The following GRM7 variants were observed in gnomAD, a reference collection of about 807,000 sequenced individuals.
The protein encoded by GRM7 is metabotropic glutamate receptor 7.
In GRM7, 35 loss-of-function variants were observed where a neutral mutation model predicts 84.5. The observed-to-expected ratio is 0.41, with a 90% CI of 0.32 to 0.55. The LOEUF (loss-of-function observed/expected upper bound fraction) is 0.55, where lower values mean the gene tolerates loss of function less well. Among genes scored for constraint, GRM7 ranks in the 20% least tolerant of loss-of-function variants. GRM7 has a pLI of 0.19. For missense variants in GRM7, 1,003 were observed against 1,194.6 expected, an observed-to-expected ratio of 0.84 and a Z score of 2.36; for synonymous variants, 487 against 455.1, an observed-to-expected ratio of 1.07 and a Z score of -0.89.
chr3:7,400,154 T>G (rs915778696), intron 4 of GRM7, among the ~76,000 whole-genome samples: 2 of 152,170 alleles, frequency 1.3e-5, no homozygotes, highest in Non-Finnish European at 2.9e-5. Flanking sequence ...TGTCCATCTT[T>G]CCCATCTGGT....
At chr3:7,230,273 C>T (rs1252664238) in intron 2 of GRM7, among the ~76,000 whole-genome samples, 5 of 152,120 alleles carry the variant, frequency 3.3e-5, no homozygotes, top group African/African-American at 1.2e-4. Flanking sequence ...ATACCTAACA[C>T]TTGGAAGGAG....
chr3:6,861,421 G>T lies in GRM7; in HGVS notation c.33G>T (p.Leu11=), dbSNP rs563141481. 3.8e-6 allele frequency: 6 copies of T among 1,596,812 alleles called. No individual in the cohort carries two copies. The Admixed American group carries it at 5.2e-5, about 14-fold the overall frequency. Reference sequence around the variant, plus strand: ...AGCTGAGGAAGCTGCTCCGCGTCCTGACTTTGATGAAGTTCCCCTGCTGCG... The same window carrying T: ...AGCTGAGGAAGCTGCTCCGCGTCCTTACTTTGATGAAGTTCCCCTGCTGCG... MVQLRKLLRV[L]TLMKFPCCVL... Residue 11 remains leucine, a synonymous_variant, in exon 1 of 10, where the codon CTG becomes CTT. Transcript: ENST00000357716. This position sits in a 1 kb window ranked among gnomAD's most constrained non-coding sequence, Gnocchi z 6.4.
chr3:7,181,811 A>G (rs1280883388), intron 2 of GRM7, among the ~76,000 whole-genome samples: 2 of 151,916 alleles, frequency 1.3e-5, no homozygotes, highest in East Asian at 1.9e-4. Context: ...TGAGGTGACT[A>G]TGTTGGCCAG....
At chr3:7,238,045 A>C (rs1197933684) in intron 2 of GRM7, among the ~76,000 whole-genome samples, 1 of 152,174 alleles carries the variant, frequency 6.6e-6, no homozygotes, top group Non-Finnish European at 1.5e-5. Flanking sequence ...AGCTGGCTTC[A>C]CCTCTCAAAA....
chr3:7,043,139 G>A (rs781417365), intron 1 of GRM7, among the ~76,000 whole-genome samples: 4 of 152,180 alleles, frequency 2.6e-5, no homozygotes, highest in Non-Finnish European at 5.9e-5. Flanking sequence ...GAGACCTGCT[G>A]TTGTTCTCTC....
At chr3:7,259,165 TGGTAAA>T (rs1336945233) in intron 2 of GRM7, among the ~76,000 whole-genome samples, 5 of 152,206 alleles carry the variant, frequency 3.3e-5, no homozygotes, top group Non-Finnish European at 7.4e-5. Context: ...TGCCAAACAC[TGGTAAA>T]TTGGCATTCC....
At position 7,385,407 on chromosome 3, in the gene GRM7, TCTC is replaced by T. The variant is rs531096762; in HGVS notation, c.1034-29613_1034-29611del. 1.4e-4 allele frequency among the ~76,000 whole-genome samples: 21 copies of T among 148,640 alleles called. No homozygotes were observed. The East Asian group carries it at 4.2e-3, about 30-fold the overall frequency. ...GCTCTGCCTCCTCGGTTCACGCCAT[TCTC>T]CTGCCTCAGCCTCTTGAGTAGCTGG... On this transcript the variant is annotated intron_variant, in intron 4 of 9. Coordinates refer to ENST00000357716, the MANE Select transcript of GRM7 (RefSeq NM_000844.4).
At position 7,133,774 on chromosome 3, in the gene GRM7, C is replaced by T. The variant is rs532545061; in HGVS notation, c.520-12678C>T. On this transcript the variant is annotated intron_variant, in intron 1 of 9. Coordinates refer to ENST00000357716, the MANE Select transcript of GRM7 (RefSeq NM_000844.4). ...TAGGGATTAATCCTAGGTTACTGAC[C>T]GGCAAGAGTTCATAGACAATTAAGA... 8.5e-5 allele frequency among the ~76,000 whole-genome samples: 13 copies of T among 152,118 alleles called. No homozygotes were observed. In the East Asian group the frequency reaches 2.1e-3, roughly 25 times the overall value.
intron 9 of GRM7, among the ~76,000 whole-genome samples, chr3:7,708,706 G>C (rs1048898955): frequency 6.6e-6 from 1 of 152,084 alleles, no homozygotes; most frequent in Non-Finnish European, 1.5e-5. Flanking sequence ...CCAGTCACTC[G>C]TAATAGCATG....
At chr3:7,431,132 C>G (rs978397437) in intron 5 of GRM7, among the ~76,000 whole-genome samples, 17 of 152,118 alleles carry the variant, frequency 1.1e-4, no homozygotes, top group African/African-American at 3.4e-4. Context: ...TAACTTGACA[C>G]ACGTACCCCA....
chr3:7,446,464 G>GTTTTT (rs370257829), intron 5 of GRM7, among the ~76,000 whole-genome samples: 1 of 130,574 alleles, frequency 7.7e-6, no homozygotes. Flanking sequence ...TTTTTTTTTT[G>GTTTTT]TTTTTTTTTT....
intron 4 of GRM7, among the ~76,000 whole-genome samples, chr3:7,332,283 AG>A (rs1701238422): frequency 6.6e-6 from 1 of 152,148 alleles, no homozygotes; most frequent in Non-Finnish European, 1.5e-5. Flanking sequence ...GGAGAGGAGG[AG>A]AATAGACAAT....
At chr3:7,532,218 G>A (rs1026649604) in intron 7 of GRM7, among the ~76,000 whole-genome samples, 8 of 152,072 alleles carry the variant, frequency 5.3e-5, no homozygotes, top group African/African-American at 1.9e-4. Flanking sequence ...TTGTACCTCT[G>A]GTAGAATTAA....
chr3:6,951,036 C>T (rs1692734257), intron 1 of GRM7, among the ~76,000 whole-genome samples: 2 of 152,184 alleles, frequency 1.3e-5, no homozygotes, highest in African/African-American at 2.4e-5. Context: ...TGCTTCGGCT[C>T]ACGCACAGTG....
At chr3:7,190,409 A>T (rs1001414992) in intron 2 of GRM7, among the ~76,000 whole-genome samples, 3 of 152,124 alleles carry the variant, frequency 2.0e-5, no homozygotes, top group Non-Finnish European at 4.4e-5. Context: ...TCAGAAGCAG[A>T]TTTCAAAACA....
At chr3:7,539,408 G>A (rs982745454) in intron 7 of GRM7, among the ~76,000 whole-genome samples, 12 of 152,130 alleles carry the variant, frequency 7.9e-5, no homozygotes, top group African/African-American at 2.9e-4. Context: ...CAGGTGTGGT[G>A]GCTCACGCCT....
At chr3:6,889,229 C>A (rs985388312) in intron 1 of GRM7, among the ~76,000 whole-genome samples, 23 of 152,178 alleles carry the variant, frequency 1.5e-4, no homozygotes, top group African/African-American at 4.8e-4. Flanking sequence ...TTATTTCCTT[C>A]TCCTGCCTGA....
intron 8 of GRM7, among the ~76,000 whole-genome samples, chr3:7,637,272 G>T (rs780850469): frequency 6.6e-6 from 1 of 152,152 alleles, no homozygotes; most frequent in Non-Finnish European, 1.5e-5. Flanking sequence ...GCCTCACAAA[G>T]TGTTGGGACT....
intron 1 of GRM7, among the ~76,000 whole-genome samples, chr3:7,122,569 C>T (rs1301877727): frequency 1.3e-5 from 2 of 152,028 alleles, no homozygotes; most frequent in South Asian, 2.1e-4. Context: ...TAGCTTTTAC[C>T]AGGTTGACTT....
Sources: gnomAD v4.1 joint callset for allele counts (sites outside exome capture counted in the v4.1 genomes callset) on GRCh38, gnomAD v4.1.1 for gene constraint, Gnocchi (gnomAD v3.1) non-coding constraint, MANE v1.5 for transcripts, NCBI Gene and HGNC (gene_info 2026-07-23, HGNC 2026-07-21) for gene names.